Variants in PTPRF observed in about 807,000 individuals in gnomAD.
The protein encoded by PTPRF is receptor-type tyrosine-protein phosphatase F.
Under a neutral mutation model 201.8 loss-of-function variants are expected in PTPRF, and 59 were observed. The ratio of observed to expected loss-of-function variants is 0.29; its 90% CI spans 0.24 to 0.36. PTPRF has a LOEUF of 0.36. Among genes scored for constraint, PTPRF ranks in the 10% least tolerant of loss-of-function variants. The pLI is 1.00. For synonymous variants in PTPRF, 1,088 were observed against 1,089.7 expected (o/e 1.00, Z 0.03); for missense variants, 2,132 against 2,690.5 (o/e 0.79, Z 4.59).
At chr1:43,620,310 C>T (rs1658899238) in intron 30 of PTPRF, 89 bp downstream of exon 30, 3 of 1,565,518 alleles carry the variant, frequency 1.9e-6, no homozygotes, top group Admixed American at 3.5e-5. Context: ...TTACTGTCTC[C>T]TTTGACACCC....
intron 7 of PTPRF, among the ~76,000 whole-genome samples, chr1:43,584,872 G>C (rs1301882137): frequency 6.6e-6 from 1 of 152,144 alleles, no homozygotes; most frequent in African/African-American, 2.4e-5. Context: ...TGCAGATTGC[G>C]GGGCTGCCTC....
chr1:43,578,955 A>G, intron 7 of PTPRF, 35 bp downstream of exon 7: 1 of 1,598,052 alleles, frequency 6.3e-7, no homozygotes, highest in Non-Finnish European at 8.6e-7. Flanking sequence ...CCCTGTCACC[A>G]CAGAGCTGTG....
In PTPRF at chr1:43,621,868, A is replaced by T. The variant is rs1033747871; in HGVS notation, c.5656-67A>T. On this transcript the variant is annotated intron_variant, in intron 33 of 33. Coordinates refer to ENST00000359947, the MANE Select transcript of PTPRF (RefSeq NM_002840.5). Reference sequence around the variant, plus strand: ...AGGCTAACTCCATGGCTGCAGTGTGAGTGTCAGCTGTGTAGTGGGGGTGTC... The same window carrying T: ...AGGCTAACTCCATGGCTGCAGTGTGTGTGTCAGCTGTGTAGTGGGGGTGTC... 4 of 1,480,442 alleles carry T rather than the reference A, an allele frequency of 2.7e-6. No individual in the cohort carries two copies. The African/African-American group carries it at 5.5e-5, about 21-fold the overall frequency. The allele number at this position is 1,480,442 out of a possible 1,614,324, so 91.7% of individuals were successfully genotyped here.
intron 20 of PTPRF, 152 bp downstream of exon 20, chr1:43,606,610 G>A (rs1321116994): frequency 9.1e-7 from 1 of 1,101,066 alleles, no homozygotes; most frequent in Non-Finnish European, 1.3e-6. Flanking sequence ...ATCTGTCCCG[G>A]GGATCCTAAG....
At chr1:43,619,946 G>A in intron 29 of PTPRF, 88 bp downstream of exon 29, 7 of 1,566,202 alleles carry the variant, frequency 4.5e-6, no homozygotes. Context: ...AGTAGGGCCA[G>A]CCTAGAAGAC....
intron 5 of PTPRF, among the ~76,000 whole-genome samples, chr1:43,560,530 G>GTT (rs1645734228): frequency 6.6e-6 from 1 of 152,144 alleles, no homozygotes; most frequent in Non-Finnish European, 1.5e-5. Flanking sequence ...GCAGCAGCAG[G>GTT]AGTGGGCAGC....
Position 43,620,079 on chromosome 1 carries a change from CTT to C in PTPRF, c.5112-15_5112-14del. ...CAGCAGCACCTCCAGCATGTCCAGT[CTT>C]ATGTCCACCCCAGACAGCAGAAGGC... On this transcript the variant is annotated splice_polypyrimidine_tract_variant and intron_variant, in intron 29 of 33. Coordinates refer to ENST00000359947, the MANE Select transcript of PTPRF (RefSeq NM_002840.5). 1.9e-6 allele frequency: 3 copies of C among 1,613,842 alleles called. No individual in the cohort carries two copies. The highest frequency in any genetic ancestry group is 2.5e-6 in the Non-Finnish European group (3 of 1,179,814).
At chr1:43,527,528 A>G (rs994427557), upstream of PTPRF, among the ~76,000 whole-genome samples, 5 of 152,202 alleles carry the variant, frequency 3.3e-5, no homozygotes, top group African/African-American at 1.2e-4. Context: ...CTGCCTCGAC[A>G]AACACTTTGC....
intron 1 of PTPRF, among the ~76,000 whole-genome samples, chr1:43,536,206 A>T: frequency 6.6e-6 from 1 of 152,136 alleles, no homozygotes. Context: ...GCTCTGTCCC[A>T]GTGTGAGTGT....
intron 1 of PTPRF, among the ~76,000 whole-genome samples, chr1:43,536,237 C>T (rs544009491): frequency 3.9e-5 from 6 of 152,096 alleles, no homozygotes; most frequent in Non-Finnish European, 5.9e-5. Flanking sequence ...CTGGGAGCTG[C>T]AGTTGGTGAA....
At chr1:43,559,780 GCAGGCAGTGTGTTTAT>G (rs1262479897) in intron 5 of PTPRF, among the ~76,000 whole-genome samples, 4 of 150,876 alleles carry the variant, frequency 2.7e-5, no homozygotes, top group Non-Finnish European at 4.4e-5. Flanking sequence ...GTGGTGTGCA[GCAGGCAGTGTGTTTAT>G]CAGGCAGTGT....
At chr1:43,548,407 C>T (rs1644817868) in intron 3 of PTPRF, among the ~76,000 whole-genome samples, 1 of 152,024 alleles carries the variant, frequency 6.6e-6, no homozygotes, top group South Asian at 2.1e-4. Flanking sequence ...TTTCCCTCCT[C>T]CCCAGAGCCT....
At chr1:43,560,893 C>CA (rs1645761032) in intron 5 of PTPRF, among the ~76,000 whole-genome samples, 1 of 152,182 alleles carries the variant, frequency 6.6e-6, no homozygotes, top group South Asian at 2.1e-4. Flanking sequence ...CCTCAGTGTC[C>CA]AGCCAGCACC....
upstream of PTPRF, among the ~76,000 whole-genome samples, chr1:43,522,236 G>A (rs1642976110): frequency 6.6e-6 from 1 of 152,158 alleles, no homozygotes; most frequent in Non-Finnish European, 1.5e-5. Context: ...AAATGAAAAG[G>A]AGACAGCCAC....
rs756676400 is a variant in PTPRF at position 43,578,850 on chromosome 1, C to G, written c.609C>G (p.Gly203=). ...AGAGCAGTGAGGAATCCGACCAAGG[C>G]AAGTACGAGTGTGTGGCGACCAACT... ...QIESSEESDQ[G]KYECVATNSA... The change falls in exon 7 of 34, where the codon GGC becomes GGG. Residue 203 remains glycine (G), a synonymous_variant. Transcript: ENST00000359947. The G allele has an allele frequency of 1.2e-6, 2 of 1,614,178 alleles. No individual in the cohort carries two copies. The highest frequency in any genetic ancestry group is 1.7e-6 in the Non-Finnish European group (2 of 1,180,000).
At chr1:43,601,785 T>G (rs1316361301) in intron 13 of PTPRF, among the ~76,000 whole-genome samples, 2 of 152,186 alleles carry the variant, frequency 1.3e-5, no homozygotes, top group Non-Finnish European at 2.9e-5. Flanking sequence ...CTGTAGCTGC[T>G]TTGTGTTCTT....
chr1:43,597,051 G>A (rs1233826940), intron 11 of PTPRF, among the ~76,000 whole-genome samples: 1 of 152,100 alleles, frequency 6.6e-6, no homozygotes, highest in Non-Finnish European at 1.5e-5. Context: ...GACAGCCTAT[G>A]TATGTGACAG....
chr1:43,616,014 CTGACAGCA>C (rs1657772743), intron 23 of PTPRF, among the ~76,000 whole-genome samples: 1 of 152,070 alleles, frequency 6.6e-6, no homozygotes. Context: ...ATATGTGACT[CTGACAGCA>C]TGCCCTGGTG....
In PTPRF at chr1:43,599,696, A is replaced by C. The variant is rs546767785; in HGVS notation, c.2313+783A>C. 3.3e-5 allele frequency among the ~76,000 whole-genome samples: 5 copies of C among 152,120 alleles called. No homozygotes were observed. In the South Asian group the frequency reaches 1.0e-3, roughly 32 times the overall value. ...GGGGTGAGGTCCCTGGGGTATTCTG[A>C]ACACTGGTTGCTATTCAGATGAAGA... On this transcript the variant is annotated intron_variant, in intron 13 of 33. Coordinates refer to ENST00000359947, the MANE Select transcript of PTPRF (RefSeq NM_002840.5).
Sources: gnomAD v4.1 joint callset for allele counts (sites outside exome capture counted in the v4.1 genomes callset) on GRCh38, gnomAD v4.1.1 for gene constraint, MANE v1.5 for transcripts, NCBI Gene and HGNC (gene_info 2026-07-23, HGNC 2026-07-21) for gene names.